The following MICU2 variants were observed in gnomAD, a reference collection of about 807,000 sequenced individuals.
MICU2 encodes calcium uptake protein 2, mitochondrial.
MICU2 carries 64 observed loss-of-function variants against 60.4 expected under a neutral mutation model. That is an observed-to-expected ratio of 1.06 (90% CI 0.87 to 1.31). MICU2 has a LOEUF of 1.31. MICU2 is among the 50% of genes most tolerant of loss of function. The pLI is 0.00. For missense variants in MICU2, 569 were observed against 531.0 expected, an observed-to-expected ratio of 1.07 and a Z score of -0.70; for synonymous variants, 201 against 175.0, an observed-to-expected ratio of 1.15 and a Z score of -1.17.
At chr13:21,580,912 A>C (rs1488477788) in intron 1 of MICU2, among the ~76,000 whole-genome samples, 2 of 152,176 alleles carry the variant, frequency 1.3e-5, no homozygotes. Flanking sequence ...ATAAAGGTGT[A>C]AACAGGATAA....
rs569616970 is a variant in MICU2 at position 21,503,305 on chromosome 13, A to C, written c.762-208T>G. 7.2e-5 allele frequency among the ~76,000 whole-genome samples: 11 copies of C among 152,302 alleles called. No homozygotes were observed. In the South Asian group the frequency reaches 2.3e-3, roughly 32 times the overall value. On this transcript the variant is annotated intron_variant, in intron 8 of 11. Transcript: ENST00000382374. ...AAGTCCAACACTGGCTTCCATCAGTAACTCTCTATACTCAACTTGTTTGTG... is the reference window on the plus strand; with the variant it reads ...AAGTCCAACACTGGCTTCCATCAGTCACTCTCTATACTCAACTTGTTTGTG...
intron 4 of MICU2, among the ~76,000 whole-genome samples, chr13:21,537,426 T>C (rs529801663): frequency 5.3e-5 from 8 of 152,154 alleles, no homozygotes; most frequent in South Asian, 2.1e-4. Flanking sequence ...ACCTTCTTTC[T>C]CCATAAAGCT....
intron 2 of MICU2, among the ~76,000 whole-genome samples, chr13:21,542,657 T>C (rs1389102345): frequency 6.6e-6 from 1 of 152,234 alleles, no homozygotes; most frequent in African/African-American, 2.4e-5. Flanking sequence ...TAGGGGTTTT[T>C]GTTTTTGTAG....
intron 7 of MICU2, among the ~76,000 whole-genome samples, chr13:21,513,212 T>C (rs1886476440): frequency 1.3e-5 from 2 of 152,158 alleles, no homozygotes; most frequent in Admixed American, 1.3e-4. Flanking sequence ...TTTCTTACTT[T>C]CCAATCAATA....
intron 1 of MICU2, among the ~76,000 whole-genome samples, chr13:21,585,727 T>C (rs1368236299): frequency 6.6e-6 from 1 of 152,210 alleles, no homozygotes; most frequent in African/African-American, 2.4e-5. Flanking sequence ...CTAATAAAAC[T>C]GCAAATTCAC....
rs532427944 is a variant in MICU2, at chr13:21,541,402, A to G, written c.359-1714T>C. ...CCACAATAAAGTCATGAATTGATTG[A>G]ATAATATAACACCAGAATTACAGGT... On this transcript the variant is annotated intron_variant, in intron 2 of 11. Transcript: ENST00000382374. Among the ~76,000 whole-genome samples, 245 of 152,308 alleles carry G rather than the reference A, an allele frequency of 1.6e-3. 1 individual carries two copies. The highest frequency in any genetic ancestry group is 5.6e-3 in the African/African-American group (234 of 41,574).
chr13:21,574,396 C>T (rs778072662), intron 1 of MICU2, among the ~76,000 whole-genome samples: 1 of 152,158 alleles, frequency 6.6e-6, no homozygotes, highest in Non-Finnish European at 1.5e-5. Flanking sequence ...TCAAGGATTA[C>T]TTGTAATGCA....
intron 1 of MICU2, among the ~76,000 whole-genome samples, chr13:21,569,767 G>C (rs189697358): frequency 4.6e-5 from 7 of 150,824 alleles, no homozygotes; most frequent in Admixed American, 2.0e-4. Flanking sequence ...TTCTTACTCA[G>C]TCTCCACAAT....
intron 2 of MICU2, among the ~76,000 whole-genome samples, chr13:21,540,351 A>G (rs1359919606): frequency 6.6e-6 from 1 of 152,196 alleles, no homozygotes; most frequent in African/African-American, 2.4e-5. Flanking sequence ...CATTTTAAAC[A>G]TCCAGAACAA....
Position 21,536,373 on chromosome 13 carries a change from G to A in MICU2, c.466+2929C>T, listed in dbSNP as rs543017719. Among the ~76,000 whole-genome samples the A allele has an allele frequency of 1.1e-4, 16 of 148,666 alleles. No individual in the cohort carries two copies. In the South Asian group the frequency reaches 1.7e-3, roughly 16 times the overall value. Reference sequence around the variant, plus strand: ...TTTTGAGACACGGTCTTGCTCTGTTGCCCAGGTGACCACACACAGCTCACT... The same window carrying A: ...TTTTGAGACACGGTCTTGCTCTGTTACCCAGGTGACCACACACAGCTCACT... On this transcript the variant is annotated intron_variant, in intron 4 of 11. Coordinates refer to ENST00000382374, the MANE Select transcript of MICU2 (RefSeq NM_152726.3).
At chr13:21,512,591 G>A (rs937828270) in intron 7 of MICU2, among the ~76,000 whole-genome samples, 2 of 151,900 alleles carry the variant, frequency 1.3e-5, no homozygotes, top group Admixed American at 6.6e-5. Context: ...GGGACTACGG[G>A]TGCCCGCCAC....
chr13:21,561,107 C>T (rs1383542094), intron 2 of MICU2, among the ~76,000 whole-genome samples: 1 of 152,146 alleles, frequency 6.6e-6, no homozygotes, highest in Non-Finnish European at 1.5e-5. Context: ...GATGTTTCAG[C>T]TATCTTTTTG....
chr13:21,525,130 A>G (rs1400997272), intron 4 of MICU2, among the ~76,000 whole-genome samples: 2 of 147,690 alleles, frequency 1.4e-5, no homozygotes, highest in African/African-American at 5.0e-5. Context: ...TCTTTTGGGT[A>G]TATACCCAGA....
intron 8 of MICU2, among the ~76,000 whole-genome samples, chr13:21,504,515 T>C (rs1247052627): frequency 6.6e-6 from 1 of 152,204 alleles, no homozygotes. Flanking sequence ...TATAAATCAA[T>C]TTATGATGAT....
At chr13:21,500,957 T>C (rs1886136505) in intron 9 of MICU2, among the ~76,000 whole-genome samples, 2 of 152,300 alleles carry the variant, frequency 1.3e-5, no homozygotes, top group East Asian at 1.9e-4. Flanking sequence ...CCATGTTTTC[T>C]TCTACACTTA....
At chr13:21,509,128 T>C (rs1044682483) in intron 8 of MICU2, among the ~76,000 whole-genome samples, 1 of 152,220 alleles carries the variant, frequency 6.6e-6, no homozygotes, top group Non-Finnish European at 1.5e-5. Flanking sequence ...TGCTTTTTGA[T>C]ATCTGTTTTA....
intron 1 of MICU2, among the ~76,000 whole-genome samples, chr13:21,578,665 C>T (rs1888280463): frequency 6.6e-6 from 1 of 152,124 alleles, no homozygotes; most frequent in South Asian, 2.1e-4. Flanking sequence ...TATTTTAAAG[C>T]CTTATTAATA....
At chr13:21,495,350 T>C (rs1885968679) in intron 10 of MICU2, 32 bp from the exon 11 acceptor site, 1 of 1,511,882 alleles carries the variant, frequency 6.6e-7, no homozygotes, top group Non-Finnish European at 8.9e-7. Context: ...ACTTATCAAC[T>C]ATGTGAAATA....
chr13:21,543,780 T>C (rs747268183), intron 2 of MICU2, among the ~76,000 whole-genome samples: 2 of 147,794 alleles, frequency 1.4e-5, no homozygotes, highest in Non-Finnish European at 3.0e-5. Context: ...CTTATCAAAA[T>C]AACAATGACA....
Sources: allele counts gnomAD v4.1 joint callset (sites outside exome capture counted in the v4.1 genomes callset), GRCh38; gene constraint gnomAD v4.1.1; transcripts MANE v1.5; gene names NCBI Gene and HGNC (gene_info 2026-07-23, HGNC 2026-07-21).